Variants in DAAM2 observed in about 807,000 individuals in gnomAD.
DAAM2 encodes the protein disheveled-associated activator of morphogenesis 2.
In DAAM2, 39 loss-of-function variants were observed where a neutral mutation model predicts 120.7. The observed-to-expected ratio is 0.32, with a 90% CI of 0.25 to 0.42. DAAM2 has a LOEUF of 0.42. Ranked by LOEUF, DAAM2 falls within the 10% of genes least tolerant of loss-of-function variation. The pLI is 1.00. For missense variants in DAAM2, 1,283 were observed against 1,401.7 expected, an observed-to-expected ratio of 0.92 and a Z score of 1.35; for synonymous variants, 488 against 524.9, an observed-to-expected ratio of 0.93 and a Z score of 0.96.
chr6:39,835,286 C>T (rs775555198), intron 1 of DAAM2, among the ~76,000 whole-genome samples: 1 of 152,150 alleles, frequency 6.6e-6, no homozygotes, highest in South Asian at 2.1e-4. Flanking sequence ...GAGAACAGCA[C>T]GGAGTCATGA....
Position 39,901,233 on chromosome 6 carries a change from C to G in DAAM2, c.2812-69C>G. 1.4e-6 allele frequency: 2 copies of G among 1,475,526 alleles called. No individual in the cohort carries two copies. Among genetic ancestry groups the G allele is most frequent in the Non-Finnish European group, 1.9e-6 (2 of 1,072,712 alleles). The allele number at this position is 1,475,526 out of a possible 1,614,324, so 91.4% of individuals were successfully genotyped here. Reference sequence around the variant, plus strand: ...GGGCTCTGCTCTGGCTAGAACCCAGCTAACCTCAGGGGCTGAGCCCAGCAT... The same window carrying G: ...GGGCTCTGCTCTGGCTAGAACCCAGGTAACCTCAGGGGCTGAGCCCAGCAT... On this transcript the variant is annotated intron_variant, in intron 23 of 24. Transcript: ENST00000274867. This position sits in a 1 kb window ranked among gnomAD's most constrained non-coding sequence, Gnocchi z 4.5.
At chr6:39,866,673 G>A (rs902992256) in intron 5 of DAAM2, among the ~76,000 whole-genome samples, 1 of 152,198 alleles carries the variant, frequency 6.6e-6, no homozygotes, top group African/African-American at 2.4e-5. Flanking sequence ...AGATAGCAAT[G>A]AATTCTGCTT....
chr6:39,842,632 CAAAAT>C (rs921449483), intron 1 of DAAM2, among the ~76,000 whole-genome samples: 2 of 151,644 alleles, frequency 1.3e-5, no homozygotes, highest in African/African-American at 4.9e-5. Context: ...GACTCCGTCT[CAAAAT>C]AAATAAATAA....
chr6:39,895,059 C>G (rs1765989945), intron 19 of DAAM2, among the ~76,000 whole-genome samples: 1 of 151,812 alleles, frequency 6.6e-6, no homozygotes, highest in Non-Finnish European at 1.5e-5. Context: ...CATTTTATTC[C>G]ATTATATGAA....
chr6:39,815,651 TACACAC>T (rs56736428), intron 1 of DAAM2, among the ~76,000 whole-genome samples: 6,381 of 149,030 alleles, frequency 0.043, 176 homozygotes, highest in African/African-American at 0.081. Context: ...ACCCCTGGTT[TACACAC>T]ACACACACAC....
intron 14 of DAAM2, chr6:39,883,734 G>T: frequency 2.0e-6 from 1 of 498,688 alleles, no homozygotes. Flanking sequence ...TTTACATGTG[G>T]CTCCATGCAC....
intron 1 of DAAM2, among the ~76,000 whole-genome samples, chr6:39,844,026 C>G (rs1452586946): frequency 1.3e-5 from 2 of 152,134 alleles, no homozygotes; most frequent in Non-Finnish European, 2.9e-5. Context: ...TACTGATTTT[C>G]TCTGAGCCTT....
In DAAM2 at chr6:39,833,827, G is replaced by A. The variant is rs935557599; in HGVS notation, c.-56-22420G>A. Among the ~76,000 whole-genome samples, 8 of 152,306 alleles carry A rather than the reference G, an allele frequency of 5.3e-5. No homozygotes were observed. In the South Asian group the frequency reaches 1.2e-3, roughly 24 times the overall value. On this transcript the variant is annotated intron_variant, in intron 1 of 24. Coordinates refer to ENST00000274867, the MANE Select transcript of DAAM2 (RefSeq NM_001201427.2). ...CATTTTCCAGAGGTAAATATGTTGGGAAATATTTTAAATATTTTCCTTGTG... is the reference window on the plus strand; with the variant it reads ...CATTTTCCAGAGGTAAATATGTTGGAAAATATTTTAAATATTTTCCTTGTG...
chr6:39,865,529 T>C (rs1377825959), intron 5 of DAAM2, among the ~76,000 whole-genome samples: 4 of 152,060 alleles, frequency 2.6e-5, no homozygotes, highest in African/African-American at 4.8e-5. Flanking sequence ...ATTTGCCATC[T>C]AGAATGGGAG....
intron 1 of DAAM2, among the ~76,000 whole-genome samples, chr6:39,854,109 C>T (rs1268727842): frequency 2.0e-5 from 3 of 152,194 alleles, no homozygotes; most frequent in Admixed American, 2.0e-4. Context: ...CCCTGGATTG[C>T]TGTGCTAGCC....
Position 39,795,136 on chromosome 6 carries a change from G to T in DAAM2, c.-57+2671G>T, listed in dbSNP as rs559686244. 6.6e-5 allele frequency among the ~76,000 whole-genome samples: 10 copies of T among 152,288 alleles called. No individual in the cohort carries two copies. The South Asian group carries it at 1.2e-3, about 19-fold the overall frequency. ...AGGCTGACATTGAAGCCTTCTCATG[G>T]CTCATTCTATCAGTTCAATCTTCTG... On this transcript the variant is annotated intron_variant, in intron 1 of 24. Transcript: ENST00000274867.
At chr6:39,869,518 C>T (rs541188689) in intron 7 of DAAM2, among the ~76,000 whole-genome samples, 218 of 152,124 alleles carry the variant, frequency 1.4e-3, no homozygotes, top group Admixed American at 2.4e-3. Flanking sequence ...ACCTGGGAGG[C>T]GGAGGTTGCA....
At chr6:39,822,340 C>T (rs569692018) in intron 1 of DAAM2, 3 of 152,340 alleles carry the variant, frequency 2.0e-5, no homozygotes, top group Non-Finnish European at 4.4e-5. Flanking sequence ...CCCTGGCACT[C>T]ACCCGAGGGT....
chr6:39,800,894 G>C (rs898461932), intron 1 of DAAM2, among the ~76,000 whole-genome samples: 1 of 152,046 alleles, frequency 6.6e-6, no homozygotes, highest in Non-Finnish European at 1.5e-5. Flanking sequence ...TTGACTCGAG[G>C]AACCCTTCCT....
At chr6:39,831,364 C>T (rs112932179) in intron 1 of DAAM2, among the ~76,000 whole-genome samples, 168 of 152,172 alleles carry the variant, frequency 1.1e-3, no homozygotes, top group African/African-American at 3.8e-3. Flanking sequence ...GTTATTCACA[C>T]TTAGTGCTGA....
chr6:39,815,582 G>T (rs3008803), intron 1 of DAAM2, among the ~76,000 whole-genome samples: 97,113 of 151,562 alleles, frequency 0.64, 31,730 homozygotes, highest in African/African-American at 0.76. Context: ...TCTTATTGGT[G>T]TCATGCAAAC....
intron 1 of DAAM2, among the ~76,000 whole-genome samples, chr6:39,839,637 A>C (rs1301849186): frequency 6.6e-6 from 1 of 152,232 alleles, no homozygotes; most frequent in Non-Finnish European, 1.5e-5. Context: ...AGCTGGCAAG[A>C]AAGGACAATG....
rs554830659 is a variant in DAAM2, at chr6:39,871,675, G to A, written c.1044+103G>A. ...CCGTGTTGTGGCAGGGCTGGTGTGG[G>A]CTGGTTCCCTGGTGGGCACCCCCAT... On this transcript the variant is annotated intron_variant, in intron 9 of 24. Coordinates refer to ENST00000274867, the MANE Select transcript of DAAM2 (RefSeq NM_001201427.2). 3.6e-6 allele frequency: 4 copies of A among 1,097,068 alleles called. No individual in the cohort carries two copies. The African/African-American group carries it at 4.7e-5, about 13-fold the overall frequency. The allele number at this position is 1,097,068 out of a possible 1,614,324, so 68.0% of individuals were successfully genotyped here. A position where few individuals can be genotyped will look rare whatever the true frequency, so the allele number is the denominator to read the frequency against.
chr6:39,850,665 C>A (rs538442978), intron 1 of DAAM2, among the ~76,000 whole-genome samples: 1 of 152,246 alleles, frequency 6.6e-6, no homozygotes, highest in East Asian at 1.9e-4. Context: ...TTAATGTCAT[C>A]ATCAGTAAGA....
Sources: allele counts gnomAD v4.1 joint callset (sites outside exome capture counted in the v4.1 genomes callset), GRCh38; gene constraint gnomAD v4.1.1; non-coding constraint Gnocchi (gnomAD v3.1); transcripts MANE v1.5; gene names NCBI Gene and HGNC (gene_info 2026-07-23, HGNC 2026-07-21).